FAM228B: variants seen among roughly 807,000 people sequenced by gnomAD.
FAM228B encodes protein FAM228B.
A neutral mutation model predicts 42.6 loss-of-function variants in FAM228B; 38 were observed. That is an observed-to-expected ratio of 0.89 (90% confidence interval 0.69 to 1.17). The LOEUF is 1.17. Ranked by LOEUF, FAM228B falls within the 50% of genes most tolerant of loss-of-function variation. The probability of loss-of-function intolerance (pLI) is 0.00; values close to 1 mark genes in which losing one functional copy is unlikely to be tolerated. For missense variants in FAM228B, 344 were observed against 367.3 expected, an observed-to-expected ratio of 0.94 and a Z score of 0.52; for synonymous variants, 109 against 122.3, an observed-to-expected ratio of 0.89 and a Z score of 0.72.
At chr2:24,121,173 T>C (rs1666103395), upstream of FAM228B, 16 of 1,613,942 alleles carry the variant, frequency 9.9e-6, no homozygotes, top group Non-Finnish European at 1.3e-5. Flanking sequence ...ATTTTTGGCA[T>C]AAAGAGAATA....
intron 2 of FAM228B, among the ~76,000 whole-genome samples, chr2:24,125,033 T>C (rs1453018931): frequency 6.6e-6 from 1 of 152,200 alleles, no homozygotes; most frequent in Non-Finnish European, 1.5e-5. Context: ...TAGTTTCTTT[T>C]TTCTAAACAG....
chr2:24,162,964 G>C (rs183034257), intron 8 of FAM228B, among the ~76,000 whole-genome samples: 22 of 152,202 alleles, frequency 1.4e-4, no homozygotes, highest in African/African-American at 4.6e-4. Flanking sequence ...TGGGGTTAAT[G>C]AAAATGTTCT....
chr2:24,139,524 G>A (rs1310166628), intron 5 of FAM228B, 74 bp downstream of exon 5: 2 of 744,678 alleles, frequency 2.7e-6, no homozygotes, highest in Non-Finnish European at 4.4e-6. Context: ...TATATGAGCA[G>A]TCCTTAAGCG....
At chr2:24,109,618 T>C (rs1385706439) in intron 3 of FAM228B, among the ~76,000 whole-genome samples, 2 of 152,092 alleles carry the variant, frequency 1.3e-5, no homozygotes, top group Admixed American at 6.6e-5. Flanking sequence ...CATCAAAAAG[T>C]GGGCAAAGAA....
chr2:24,110,067 T>C lies in FAM228B; in HGVS notation c.-121+14838T>C, dbSNP rs1028080070. On this transcript the variant is annotated intron_variant, in intron 3 of 10. Coordinates refer to the FAM228B transcript ENST00000613899. Reference sequence around the variant, plus strand: ...TCAATGGTAGACAGGATAAAGAAAATGTGGTATATATACATCATGGAATAT... The same window carrying C: ...TCAATGGTAGACAGGATAAAGAAAACGTGGTATATATACATCATGGAATAT... Among the ~76,000 whole-genome samples, 58 of 152,046 alleles carry C rather than the reference T, an allele frequency of 3.8e-4. 1 individual carries two copies. Among genetic ancestry groups the C allele is most frequent in the Non-Finnish European group, 1.5e-4 (10 of 68,004 alleles).
At chr2:24,115,456 C>T in intron 3 of FAM228B, 1 of 752,434 alleles carries the variant, frequency 1.3e-6, no homozygotes, top group Non-Finnish European at 2.2e-6. Flanking sequence ...AAAAATTGCT[C>T]CCTTAATTCA....
At chr2:24,111,080 A>G (rs1049977271) in intron 3 of FAM228B, among the ~76,000 whole-genome samples, 4 of 150,910 alleles carry the variant, frequency 2.7e-5, no homozygotes, top group African/African-American at 9.8e-5. Flanking sequence ...TTTTTTTTTG[A>G]AACAGAGTCT....
intron 5 of FAM228B, among the ~76,000 whole-genome samples, chr2:24,143,916 G>A (rs544687338): frequency 6.6e-6 from 1 of 152,058 alleles, no homozygotes; most frequent in Non-Finnish European, 1.5e-5. Flanking sequence ...GGGAGGCTGA[G>A]GCAGAAGAAT....
intron 10 of FAM228B, chr2:24,167,903 G>T: frequency 2.2e-6 from 1 of 463,754 alleles, no homozygotes; most frequent in Non-Finnish European, 3.9e-6. Context: ...TTTCTCATGG[G>T]GCACTTCCAA....
chr2:24,094,907 A>C (rs542874097), intron 2 of FAM228B, among the ~76,000 whole-genome samples: 5 of 152,190 alleles, frequency 3.3e-5, no homozygotes, highest in African/African-American at 1.2e-4. Context: ...AGCCTGGCCA[A>C]CATGGTGAAA....
intron 7 of FAM228B, among the ~76,000 whole-genome samples, chr2:24,154,053 G>C (rs1320366655): frequency 6.6e-6 from 1 of 152,218 alleles, no homozygotes; most frequent in Non-Finnish European, 1.5e-5. Context: ...CTCTCTCTCT[G>C]TACCACACGG....
intron 3 of FAM228B, among the ~76,000 whole-genome samples, chr2:24,104,613 C>T (rs1380851491): frequency 1.3e-5 from 2 of 152,094 alleles, no homozygotes; most frequent in Non-Finnish European, 2.9e-5. Flanking sequence ...CTAGAGGGTG[C>T]AGCTTTCTGT....
At chr2:24,144,418 C>A (rs1474005206) in intron 5 of FAM228B, among the ~76,000 whole-genome samples, 1 of 152,114 alleles carries the variant, frequency 6.6e-6, no homozygotes, top group Non-Finnish European at 1.5e-5. Flanking sequence ...AGAGCGAGAC[C>A]CTGTCGGAGA....
chr2:24,110,612 G>A (rs940200487), intron 3 of FAM228B, among the ~76,000 whole-genome samples: 7 of 152,246 alleles, frequency 4.6e-5, no homozygotes, highest in African/African-American at 1.7e-4. Flanking sequence ...CATGTGTCTG[G>A]AGAGGTGTGG....
At chr2:24,147,712 A>G (rs1343986655) in intron 7 of FAM228B, among the ~76,000 whole-genome samples, 1 of 152,128 alleles carries the variant, frequency 6.6e-6, no homozygotes, top group African/African-American at 2.4e-5. Flanking sequence ...TCAAATTTCT[A>G]GCATTACCAT....
intron 3 of FAM228B, among the ~76,000 whole-genome samples, chr2:24,136,642 C>T (rs1310280597): frequency 6.6e-6 from 1 of 152,142 alleles, no homozygotes; most frequent in African/African-American, 2.4e-5. Flanking sequence ...GGATTACCGG[C>T]GTGAGCCACC....
chr2:24,094,765 G>A (rs1177930735), intron 2 of FAM228B, among the ~76,000 whole-genome samples: 1 of 152,180 alleles, frequency 6.6e-6, no homozygotes, highest in African/African-American at 2.4e-5. Context: ...TTACAGGCAT[G>A]AGCCACTTTG....
intron 2 of FAM228B, among the ~76,000 whole-genome samples, chr2:24,130,134 G>T (rs1666421022): frequency 6.6e-6 from 1 of 152,174 alleles, no homozygotes. Context: ...CCCTGCAAAG[G>T]ACATGATCTC....
intron 1 of FAM228B, chr2:24,079,188 GC>G: frequency 2.1e-6 from 1 of 477,688 alleles, no homozygotes; most frequent in East Asian, 3.4e-5. Context: ...TATAGTCAGT[GC>G]TTTCTTCATT....
Sources: allele counts gnomAD v4.1 joint callset (sites outside exome capture counted in the v4.1 genomes callset), GRCh38; gene constraint gnomAD v4.1.1; transcripts MANE v1.5; gene names NCBI Gene and HGNC (gene_info 2026-07-23, HGNC 2026-07-21).